Variants in ZNF394 observed in about 807,000 individuals in gnomAD.
The protein encoded by ZNF394 is zinc finger protein 394, also known as zinc finger protein 99.
ZNF394 carries 19 observed loss-of-function variants against 21.8 expected under a neutral mutation model. The ratio of observed to expected loss-of-function variants is 0.87; its 90% confidence interval spans 0.61 to 1.28. The LOEUF is 1.28. Among genes scored for constraint, ZNF394 ranks in the 50% most tolerant of loss-of-function variants. The pLI is 0.00. For synonymous variants in ZNF394, 294 were observed against 273.3 expected, an observed-to-expected ratio of 1.08 and a Z score of -0.75; for missense variants, 683 against 708.6, an observed-to-expected ratio of 0.96 and a Z score of 0.41.
chr7:99,487,663 G>A, intron 1 of ZNF394: 1 of 703,148 alleles, frequency 1.4e-6, no homozygotes, highest in Non-Finnish European at 2.3e-6. Flanking sequence ...ATGTTAGCTT[G>A]GGCAACACAG....
chr7:99,492,710 C>T (rs1800189612), downstream of ZNF394, among the ~76,000 whole-genome samples: 1 of 147,962 alleles, frequency 6.8e-6, no homozygotes, highest in Non-Finnish European at 1.5e-5. Flanking sequence ...AATTCCAGCA[C>T]TTTGGGAAGC....
At chr7:99,488,974 A>C (rs1800098106), downstream of ZNF394, among the ~76,000 whole-genome samples, 1 of 146,624 alleles carries the variant, frequency 6.8e-6, no homozygotes, top group African/African-American at 2.5e-5. Flanking sequence ...TAAAATGAGT[A>C]TGTTAGATTC....
In ZNF394 at chr7:99,493,485, G is replaced by A; in HGVS notation, c.*44C>T. On this transcript the variant is annotated 3_prime_UTR_variant, in exon 3 of 3. Coordinates refer to ENST00000337673, the MANE Select transcript of ZNF394 (RefSeq NM_032164.4). Reference sequence around the variant, plus strand: ...TTGGCCAGGCTGGTTTCAAACTCCTGATCTCAAATGATCTGCCTGCCTTGG... The same window carrying A: ...TTGGCCAGGCTGGTTTCAAACTCCTAATCTCAAATGATCTGCCTGCCTTGG... The A allele has an allele frequency of 1.4e-6, 2 of 1,481,410 alleles. No individual in the cohort carries two copies. Among genetic ancestry groups the A allele is most frequent in the Non-Finnish European group, 1.8e-6 (2 of 1,097,322 alleles). The allele number at this position is 1,481,410 out of a possible 1,614,324, so 91.8% of individuals were successfully genotyped here. A position where few individuals can be genotyped will look rare whatever the true frequency, so the allele number is the denominator to read the frequency against.
intron 2 of ZNF394, among the ~76,000 whole-genome samples, chr7:99,497,122 G>GTGTGTGTGTGTATATATATA (rs1322382800): frequency 2.5e-5 from 2 of 79,464 alleles, no homozygotes; most frequent in African/African-American, 1.5e-4. Flanking sequence ...GTGTGTGTGT[G>GTGTGTGTGTGTATATATATA]TATATATATA....
downstream of ZNF394, among the ~76,000 whole-genome samples, chr7:99,488,823 G>A (rs1800091755): frequency 6.6e-6 from 1 of 151,010 alleles, no homozygotes; most frequent in Non-Finnish European, 1.5e-5. Context: ...AGCTGCTTGG[G>A]AGGCTGAGGT....
exon 2 of ZNF394, chr7:99,486,950 A>G (rs763202817): frequency 5.6e-6 from 9 of 1,614,116 alleles, no homozygotes; most frequent in Admixed American, 1.7e-5. Flanking sequence ...CTTACGGTCC[A>G]TAAACAGTGT....
At chr7:99,498,890 C>T (rs752214096) in intron 1 of ZNF394, 48 bp from the exon 2 acceptor site, 2 of 1,564,282 alleles carry the variant, frequency 1.3e-6, no homozygotes, top group Non-Finnish European at 1.7e-6. Context: ...CCCTGTACAG[C>T]ACTAACACTC....
At chr7:99,495,840 TCAAACTCCTGACCTCAGGTGATC>T (rs1436490214) in intron 2 of ZNF394, among the ~76,000 whole-genome samples, 1 of 152,180 alleles carries the variant, frequency 6.6e-6, no homozygotes, top group African/African-American at 2.4e-5. Flanking sequence ...CAGGCTGGTC[TCAAACTCCTGACCTCAGGTGATC>T]CACCTGCCTT....
exon 2 of ZNF394, chr7:99,486,777 G>C (rs755487821): frequency 6.2e-7 from 1 of 1,614,170 alleles, no homozygotes; most frequent in South Asian, 1.1e-5. Flanking sequence ...CTTTGCTTTT[G>C]GGGCATGAGC....
rs188679294 is a variant in ZNF394, at chr7:99,487,960, T to C, written n.84-997A>G. ...GGTGGCAGGCGCCTGTAGTCCCAGC[T>C]ATGCGGGAGGCTGAGGCAGGAGAAT... On this transcript the variant is annotated intron_variant and non_coding_transcript_variant, in intron 1 of 1. Transcript: ENST00000462024. Among the ~76,000 whole-genome samples, 1,389 of 150,412 alleles carry C rather than the reference T, an allele frequency of 9.2e-3. 16 individuals are homozygous for C. The highest frequency in any genetic ancestry group is 0.033 in the African/African-American group (1,330 of 40,696).
rs1554377128 is a variant in ZNF394 at position 99,486,544 on chromosome 7, T to C, written n.503A>G. On this transcript the variant is annotated non_coding_transcript_exon_variant, in exon 2 of 2. Transcript: ENST00000462024. Reference sequence around the variant, plus strand: ...GAAATTTTCTGAAGATTTAGAGTCATATAAGATATCAGTGGTAATGCAGGA... The same window carrying C: ...GAAATTTTCTGAAGATTTAGAGTCACATAAGATATCAGTGGTAATGCAGGA... 3.1e-6 allele frequency: 5 copies of C among 1,614,176 alleles called. No homozygotes were observed. The South Asian group carries it at 3.3e-5, about 11-fold the overall frequency.
At chr7:99,488,678 C>T (rs1273963070), downstream of ZNF394, among the ~76,000 whole-genome samples, 4 of 151,562 alleles carry the variant, frequency 2.6e-5, no homozygotes, top group Non-Finnish European at 4.4e-5. Context: ...ACCTGTAATC[C>T]CAGCACTTTG....
intron 1 of ZNF394, among the ~76,000 whole-genome samples, chr7:99,499,408 AAAAAG>A (rs1800445721): frequency 6.6e-6 from 1 of 151,736 alleles, no homozygotes; most frequent in African/African-American, 2.4e-5. Flanking sequence ...GAAAAAAAAA[AAAAAG>A]AAAAGAAAAA....
rs780464083 is a variant in ZNF394 at position 99,493,731 on chromosome 7, T to C, written c.1484A>G (p.Lys495Arg). The C allele has an allele frequency of 1.2e-6, 2 of 1,614,106 alleles. No individual in the cohort carries two copies. The highest frequency in any genetic ancestry group is 2.7e-5 in the African/African-American group (2 of 74,962). The change falls in exon 3 of 3, where the codon AAG (lysine) becomes AGG (arginine). Residue 495 changes from lysine to arginine, a missense_variant. Lys to Arg is a conservative substitution (Grantham distance 26). Transcript: ENST00000337673. ...FKHHRIHTGE[K>R]PYGCSVCGKR... Reference sequence around the variant, plus strand: ...CCCACAGACGGAACATCCATAGGGCTTCTCCCCAGTGTGGATTCTGTGGTG... The same window carrying C: ...CCCACAGACGGAACATCCATAGGGCCTCTCCCCAGTGTGGATTCTGTGGTG...
At chr7:99,498,561 G>T in intron 2 of ZNF394, 155 bp downstream of exon 2, 1 of 964,064 alleles carries the variant, frequency 1.0e-6, no homozygotes, top group Non-Finnish European at 1.5e-6. Context: ...GCTGAATCTA[G>T]CACCTAGCAG....
chr7:99,494,620 T>G lies in ZNF394; in HGVS notation c.595A>C (p.Arg199=). The change falls in exon 3 of 3, where the codon AGA becomes CGA. Residue 199 remains arginine, a synonymous_variant. Transcript: ENST00000337673. ...GSTVPPSLES[R]VENKELIPMQ... is the part of the protein sequence containing the mutation. The stretch of plus-strand genomic sequence containing the variant: ...GGAATCAACTCTTTGTTCTCCACTC[T>G]GCTTTCCAAACCTGAAACGTGAAAA... The G allele has an allele frequency of 6.3e-7, 1 of 1,586,924 alleles. No homozygotes were observed. The highest frequency in any genetic ancestry group is 2.2e-5 in the East Asian group (1 of 44,674).
Position 99,487,085 on chromosome 7 carries a change from A to G in ZNF394, n.84-122T>C. ...CCTTATAAATGTAGCAAATGTGAAA[A>G]AACGTTTAGTCAGAATTCAACCCTT... On this transcript the variant is annotated intron_variant and non_coding_transcript_variant, in intron 1 of 1. Transcript: ENST00000462024. The G allele has an allele frequency of 1.9e-6, 3 of 1,614,144 alleles. No individual in the cohort carries two copies. In the East Asian group the frequency reaches 6.7e-5, roughly 36 times the overall value.
chr7:99,497,480 T>C lies in ZNF394; in HGVS notation c.583+1236A>G, dbSNP rs538071314. On this transcript the variant is annotated intron_variant, in intron 2 of 2. Transcript: ENST00000337673. ...CAGGCGTGAGCCACCGTGCCTGGCC[T>C]ATAATGTTTTTCCTTATATGTACAT... is the stretch of plus-strand genomic sequence containing the variant. 1.6e-4 allele frequency among the ~76,000 whole-genome samples: 24 copies of C among 151,762 alleles called. No homozygotes were observed. In the South Asian group the frequency reaches 5.0e-3, roughly 32 times the overall value.
At position 99,494,172 on chromosome 7, in the gene ZNF394, G is replaced by T; in HGVS notation, c.1043C>A (p.Thr348Asn). 6.2e-7 allele frequency: 1 copy of T among 1,614,208 alleles called. No homozygotes were observed. The highest frequency in any genetic ancestry group is 8.5e-7 in the Non-Finnish European group (1 of 1,180,042). Residue 348 changes from threonine to asparagine, a missense_variant, in exon 3 of 3, where the codon ACC becomes AAC. Physicochemically the swap from Thr to Asn is moderately conservative, Grantham distance 65. Transcript: ENST00000337673. ...DSFHHSSLFE[T>N]QRQLHEERPY... ...TCTTTCTTCATGGAGCTGCCTCTGG[G>T]TCTCAAAAAGGCTGGAATGATGGAA...
Sources: allele counts gnomAD v4.1 joint callset (sites outside exome capture counted in the v4.1 genomes callset), GRCh38; gene constraint gnomAD v4.1.1; transcripts MANE v1.5; gene names NCBI Gene and HGNC (gene_info 2026-07-23, HGNC 2026-07-21).